Variants in SNX14 observed in about 807,000 individuals in gnomAD.
SNX14 encodes sorting nexin-14.
SNX14 carries 93 observed loss-of-function variants against 133.8 expected under a neutral mutation model. The ratio of observed to expected loss-of-function variants is 0.70; its 90% confidence interval spans 0.59 to 0.83. SNX14 has a LOEUF of 0.83. Among genes scored for constraint, SNX14 ranks in the 40% least tolerant of loss-of-function variants. The probability of loss-of-function intolerance (pLI) is 0.00; values close to 1 mark genes in which losing one functional copy is unlikely to be tolerated. For missense variants in SNX14, 945 were observed against 1,094.9 expected (o/e 0.86, Z 1.93); for synonymous variants, 368 against 365.6 (o/e 1.01, Z -0.07).
intron 1 of SNX14, among the ~76,000 whole-genome samples, chr6:85,592,070 T>C (rs1022390175): frequency 4.6e-5 from 7 of 152,314 alleles, no homozygotes; most frequent in African/African-American, 1.7e-4. Context: ...ATACTAAACC[T>C]GTTAGTCTAG....
chr6:85,526,738 AAT>A (rs1562233714), intron 20 of SNX14, among the ~76,000 whole-genome samples: 1 of 152,202 alleles, frequency 6.6e-6, no homozygotes, highest in Non-Finnish European at 1.5e-5. Flanking sequence ...TAACTTGAAA[AAT>A]CTGTTGTCTG....
At chr6:85,589,365 C>T (rs183139746) in intron 1 of SNX14, 10 of 154,956 alleles carry the variant, frequency 6.5e-5, no homozygotes, top group Admixed American at 5.7e-4. Flanking sequence ...GGACTACAGA[C>T]GTGTACCTCC....
intron 26 of SNX14, among the ~76,000 whole-genome samples, chr6:85,512,964 T>A (rs756911201): frequency 2.6e-5 from 4 of 152,154 alleles, no homozygotes; most frequent in Non-Finnish European, 5.9e-5. Flanking sequence ...AAACTGGAAG[T>A]CACCCTTTTC....
intron 4 of SNX14, among the ~76,000 whole-genome samples, chr6:85,571,836 T>A (rs1795717093): frequency 6.6e-6 from 1 of 152,226 alleles, no homozygotes; most frequent in East Asian, 1.9e-4. Flanking sequence ...GGGTTCCTTT[T>A]GGAATTACAA....
chr6:85,570,792 G>A (rs1472738821), intron 4 of SNX14, among the ~76,000 whole-genome samples: 1 of 152,068 alleles, frequency 6.6e-6, no homozygotes, highest in East Asian at 1.9e-4. Context: ...GGCGGAGGTT[G>A]CAGTGAGCCA....
At chr6:85,583,287 C>A (rs1347125015) in intron 1 of SNX14, among the ~76,000 whole-genome samples, 2 of 152,024 alleles carry the variant, frequency 1.3e-5, no homozygotes, top group Non-Finnish European at 2.9e-5. Context: ...TATGACAAAC[C>A]CACAGCCATT....
intron 6 of SNX14, among the ~76,000 whole-genome samples, chr6:85,563,144 A>G (rs1792333264): frequency 6.6e-6 from 1 of 152,078 alleles, no homozygotes; most frequent in South Asian, 2.1e-4. Flanking sequence ...CGTTTTTTGC[A>G]TATCTTTTCT....
chr6:85,530,948 A>G (rs1352882458), intron 18 of SNX14, among the ~76,000 whole-genome samples: 1 of 152,154 alleles, frequency 6.6e-6, no homozygotes, highest in Non-Finnish European at 1.5e-5. Context: ...AATATTTACC[A>G]TATTGTCCTA....
At chr6:85,528,101 C>G (rs1489591851) in intron 20 of SNX14, among the ~76,000 whole-genome samples, 161 bp downstream of exon 20, 1 of 151,630 alleles carries the variant, frequency 6.6e-6, no homozygotes, top group Non-Finnish European at 1.5e-5. Context: ...ATACTTTTGA[C>G]AAAAATTCAT....
At chr6:85,576,936 T>C (rs1489434306) in intron 1 of SNX14, among the ~76,000 whole-genome samples, 1 of 152,170 alleles carries the variant, frequency 6.6e-6, no homozygotes, top group Admixed American at 6.5e-5. Flanking sequence ...AGGAAGACCA[T>C]TCTGGATGAA....
intron 6 of SNX14, among the ~76,000 whole-genome samples, chr6:85,560,779 A>T (rs545233240): frequency 3.9e-5 from 6 of 152,304 alleles, no homozygotes; most frequent in Admixed American, 3.9e-4. Context: ...CACACCTGTA[A>T]TCCCAGCACT....
intron 21 of SNX14, among the ~76,000 whole-genome samples, chr6:85,522,310 T>C (rs1012397978): frequency 2.0e-5 from 3 of 152,204 alleles, no homozygotes; most frequent in African/African-American, 7.2e-5. Context: ...TCAAGACATA[T>C]GATAGGGCTC....
At chr6:85,542,805 G>T (rs1029872651) in intron 14 of SNX14, among the ~76,000 whole-genome samples, 1 of 151,890 alleles carries the variant, frequency 6.6e-6, no homozygotes, top group African/African-American at 2.4e-5. Context: ...TTGCTCTATG[G>T]CCCAGGCTTG....
rs1043514317 is a variant in SNX14, at chr6:85,586,727, C to T, written c.140+6852G>A. ...CCCGAGTTAGCTAGGACCATAGGCT[C>T]GCTACTTTTTTTTCTTTTTTTGGTA... On this transcript the variant is annotated intron_variant, in intron 1 of 28. Transcript: ENST00000314673. Among the ~76,000 whole-genome samples the T allele has an allele frequency of 4.0e-5, 6 of 151,662 alleles. No homozygotes were observed. The South Asian group carries it at 6.3e-4, about 16-fold the overall frequency.
In SNX14 at chr6:85,574,372, A is replaced by C. The variant is rs759018508; in HGVS notation, c.147T>G (p.Ile49Met). The C allele has an allele frequency of 6.5e-7, 1 of 1,538,934 alleles. No individual in the cohort carries two copies. Among genetic ancestry groups the C allele is most frequent in the South Asian group, 1.2e-5 (1 of 80,536 alleles). The change falls in exon 2 of 29, where the codon ATT becomes ATG. Residue 49 changes from isoleucine (I) to methionine (M), a missense_variant. Ile to Met is a conservative substitution (Grantham distance 10). Coordinates refer to ENST00000314673, the MANE Select transcript of SNX14 (RefSeq NM_153816.6). ...ATGACCAGAAGATCATTAAAATATG[A>C]ATATACCTTAAAAATAAATGAAAAT... ...SAASLLLNRY[I>M]HILMIFWSFV...
rs960242279 is a variant in SNX14 at position 85,558,049 on chromosome 6, T to C, written c.561A>G (p.Pro187=). ...LIRRIHKVDI[P]SIITKKLLKA... ...TTAATAGTTTCTTGGTTATAATAGA[T>C]GGAATATCCACCTAGAAAAATTCAA... The change falls in exon 7 of 29, where the codon CCA becomes CCG. Residue 187 remains proline (P), a synonymous_variant. Coordinates refer to ENST00000314673, the MANE Select transcript of SNX14 (RefSeq NM_153816.6). 16 of 1,547,742 alleles carry C rather than the reference T, an allele frequency of 1.0e-5. No individual in the cohort carries two copies. The African/African-American group carries it at 2.0e-4, about 20-fold the overall frequency.
chr6:85,532,536 G>C (rs1184972598), intron 18 of SNX14, among the ~76,000 whole-genome samples: 1 of 152,160 alleles, frequency 6.6e-6, no homozygotes, highest in African/African-American at 2.4e-5. Context: ...CTACTACTTA[G>C]TTATCCTCTC....
chr6:85,548,173 A>C, intron 9 of SNX14, 128 bp downstream of exon 9: 3 of 641,202 alleles, frequency 4.7e-6, no homozygotes, highest in East Asian at 3.1e-5. Context: ...GAGATGGGGA[A>C]TGGGGATGGT....
chr6:85,534,775 A>G (rs1201738820), intron 17 of SNX14, among the ~76,000 whole-genome samples: 2 of 152,016 alleles, frequency 1.3e-5, no homozygotes, highest in African/African-American at 4.8e-5. Context: ...AATATCGAAT[A>G]GAGAAAAGAT....
Sources: gnomAD v4.1 joint callset for allele counts (sites outside exome capture counted in the v4.1 genomes callset) on GRCh38, gnomAD v4.1.1 for gene constraint, MANE v1.5 for transcripts, NCBI Gene and HGNC (gene_info 2026-07-23, HGNC 2026-07-21) for gene names.